Variants in SMAP1 observed in about 807,000 individuals in gnomAD.
SMAP1 encodes stromal membrane-associated protein 1.
A neutral mutation model predicts 58.5 loss-of-function variants in SMAP1; 24 were observed. The ratio of observed to expected loss-of-function variants is 0.41; its 90% CI spans 0.30 to 0.58. The LOEUF (loss-of-function observed/expected upper bound fraction) is 0.58, where lower values mean the gene tolerates loss of function less well. Among genes scored for constraint, SMAP1 ranks in the 20% least tolerant of loss-of-function variants. The probability of loss-of-function intolerance (pLI) is 0.29; values close to 1 mark genes in which losing one functional copy is unlikely to be tolerated. For missense variants in SMAP1, 563 were observed against 566.3 expected (o/e 0.99, Z 0.06); for synonymous variants, 216 against 196.6 (o/e 1.10, Z -0.82).
In SMAP1 at chr6:70,848,673, T is replaced by C. The variant is rs945094412; in HGVS notation, c.665-3867T>C. 9.2e-5 allele frequency among the ~76,000 whole-genome samples: 14 copies of C among 152,204 alleles called. No homozygotes were observed. In the South Asian group the frequency reaches 1.0e-3, roughly 11 times the overall value. On this transcript the variant is annotated intron_variant, in intron 7 of 10. Coordinates refer to ENST00000370455, the MANE Select transcript of SMAP1 (RefSeq NM_001044305.3). ...TTGCATCGGGACAAAAATGATAACA[T>C]GTAAACATTCTTTAAAAACATCCAG...
intron 1 of SMAP1, among the ~76,000 whole-genome samples, chr6:70,704,069 C>T (rs991123300): frequency 6.6e-6 from 1 of 152,188 alleles, no homozygotes; most frequent in African/African-American, 2.4e-5. Context: ...GAAAACAACT[C>T]AATATGGTAT....
rs1010819317 is a variant in SMAP1 at position 70,861,053 on chromosome 6, T to C, written c.*719T>C. 2 of 220,364 alleles carry C rather than the reference T, an allele frequency of 9.1e-6. No homozygotes were observed. Among genetic ancestry groups the C allele is most frequent in the African/African-American group, 2.3e-5 (1 of 44,386 alleles). The allele number at this position is 220,364 out of a possible 1,614,324, so 13.7% of individuals were successfully genotyped here. ...GTAACTAACTAAAACAAAGCCACTT[T>C]CAATCTTCAATCCTTGAAGGTATAT... On this transcript the variant is annotated 3_prime_UTR_variant, in exon 11 of 11. Coordinates refer to ENST00000370455, the MANE Select transcript of SMAP1 (RefSeq NM_001044305.3).
In SMAP1 at chr6:70,860,648, A is replaced by G. The variant is rs913683672; in HGVS notation, c.*314A>G. The G allele has an allele frequency of 4.7e-6, 2 of 422,694 alleles. No individual in the cohort carries two copies. The highest frequency in any genetic ancestry group is 8.3e-6 in the Non-Finnish European group (2 of 239,960). The allele number at this position is 422,694 out of a possible 1,614,324, so 26.2% of individuals were successfully genotyped here. A position where few individuals can be genotyped will look rare whatever the true frequency, so the allele number is the denominator to read the frequency against. ...AAAATTATAGCTCTAATGTTTGCAT[A>G]TAAGGGAAGTAGTTATCATGTTAGT... On this transcript the variant is annotated 3_prime_UTR_variant, in exon 11 of 11. Coordinates refer to ENST00000370455, the MANE Select transcript of SMAP1 (RefSeq NM_001044305.3).
chr6:70,763,416 C>T (rs1766836678), intron 3 of SMAP1, among the ~76,000 whole-genome samples: 1 of 152,058 alleles, frequency 6.6e-6, no homozygotes, highest in Admixed American at 6.5e-5. Flanking sequence ...TAAAAGTTTG[C>T]ATTCTGACTA....
chr6:70,775,312 T>C (rs1541127), intron 4 of SMAP1, among the ~76,000 whole-genome samples: 1 of 151,890 alleles, frequency 6.6e-6, no homozygotes, highest in East Asian at 1.9e-4. Flanking sequence ...AATATAATTT[T>C]AAAAATTATA....
At chr6:70,703,108 C>T (rs1324274653) in intron 1 of SMAP1, among the ~76,000 whole-genome samples, 2 of 150,950 alleles carry the variant, frequency 1.3e-5, no homozygotes, top group African/African-American at 2.4e-5. Flanking sequence ...GACAGAGTCT[C>T]GCTCTGTCAC....
At position 70,860,313 on chromosome 6, in the gene SMAP1, C is replaced by T; in HGVS notation, c.1383C>T (p.Leu461=). ...GWSGSSSGQT[L]STQLWK The stretch of plus-strand genomic sequence containing the variant: ...CTGGAAGCTCATCAGGTCAGACTCT[C>T]AGCACACAACTGTGGAAATGAAAAC... The change falls in exon 11 of 11, where the codon CTC becomes CTT. Residue 461 remains leucine (L), a synonymous_variant. Transcript: ENST00000370455. 4 of 1,610,374 alleles carry T rather than the reference C, an allele frequency of 2.5e-6. No homozygotes were observed. Among genetic ancestry groups the T allele is most frequent in the Non-Finnish European group, 3.4e-6 (4 of 1,179,050 alleles).
intron 8 of SMAP1, among the ~76,000 whole-genome samples, chr6:70,855,888 C>T (rs569455509): frequency 7.2e-5 from 11 of 152,270 alleles, no homozygotes; most frequent in Admixed American, 6.5e-4. Flanking sequence ...GAAAATTAAG[C>T]GGCTTTTTGT....
chr6:70,718,344 A>T (rs567280143), intron 1 of SMAP1, among the ~76,000 whole-genome samples: 71 of 152,328 alleles, frequency 4.7e-4, no homozygotes, highest in African/African-American at 1.6e-3. Flanking sequence ...TAAATGGTTA[A>T]GGATAATGAA....
intron 1 of SMAP1, among the ~76,000 whole-genome samples, chr6:70,706,722 T>C (rs568261049): frequency 6.6e-6 from 1 of 152,340 alleles, no homozygotes; most frequent in African/African-American, 2.4e-5. Flanking sequence ...CAGATGGCGC[T>C]CTCTATTAAT....
chr6:70,761,616 T>C (rs913242065), intron 3 of SMAP1, among the ~76,000 whole-genome samples: 2 of 152,056 alleles, frequency 1.3e-5, no homozygotes, highest in Non-Finnish European at 2.9e-5. Flanking sequence ...TAATTCTGTT[T>C]CCTCTTGCTA....
rs1047170104 is a variant in SMAP1 at position 70,795,980 on chromosome 6, C to T, written c.496-2677C>T. ...CTCGAACTTCGTGATAGGCCTGCCTCGGCCTCCCGAAGTGCTGGGATTACA... is the reference window on the plus strand; with the variant it reads ...CTCGAACTTCGTGATAGGCCTGCCTTGGCCTCCCGAAGTGCTGGGATTACA... On this transcript the variant is annotated intron_variant, in intron 5 of 10. Transcript: ENST00000370455. 5.3e-5 allele frequency among the ~76,000 whole-genome samples: 8 copies of T among 151,978 alleles called. No homozygotes were observed. The South Asian group carries it at 1.5e-3, about 28-fold the overall frequency.
intron 1 of SMAP1, among the ~76,000 whole-genome samples, chr6:70,676,256 C>T (rs1191118830): frequency 6.6e-6 from 1 of 152,138 alleles, no homozygotes; most frequent in Non-Finnish European, 1.5e-5. Flanking sequence ...AATTACTGAA[C>T]ATGAGGGTGG....
intron 2 of SMAP1, among the ~76,000 whole-genome samples, chr6:70,735,381 C>A (rs1765580630): frequency 6.6e-6 from 1 of 152,146 alleles, no homozygotes. Flanking sequence ...GGAGGCTGTT[C>A]CTATTAACTT....
intron 6 of SMAP1, among the ~76,000 whole-genome samples, chr6:70,835,272 A>AG (rs1346613360): frequency 1.3e-5 from 2 of 151,482 alleles, no homozygotes; most frequent in Non-Finnish European, 2.9e-5. Flanking sequence ...AAAAAAAAAA[A>AG]AGAATTGACA....
intron 1 of SMAP1, chr6:70,668,387 C>G: frequency 3.3e-6 from 3 of 907,538 alleles, no homozygotes; most frequent in Non-Finnish European, 4.7e-6. Flanking sequence ...CTCCCAGACA[C>G]GGGTTTGAGC....
chr6:70,716,787 G>C (rs1234808974), intron 1 of SMAP1, among the ~76,000 whole-genome samples: 2 of 152,120 alleles, frequency 1.3e-5, no homozygotes, highest in Non-Finnish European at 2.9e-5. Context: ...GTTGAGCTCA[G>C]TGATCATCTT....
intron 8 of SMAP1, chr6:70,856,552 T>TAACTA (rs1489932398): frequency 9.6e-6 from 2 of 207,454 alleles, no homozygotes; most frequent in African/African-American, 4.6e-5. Flanking sequence ...CTCTCATCTC[T>TAACTA]AACTATTGTT....
intron 3 of SMAP1, among the ~76,000 whole-genome samples, chr6:70,761,590 T>G (rs767073934): frequency 2.0e-5 from 3 of 152,048 alleles, no homozygotes; most frequent in Non-Finnish European, 4.4e-5. Context: ...GCAAGCCATC[T>G]TAGCCCTCAG....
Sources: allele counts gnomAD v4.1 joint callset (sites outside exome capture counted in the v4.1 genomes callset), GRCh38; gene constraint gnomAD v4.1.1; transcripts MANE v1.5; gene names NCBI Gene and HGNC (gene_info 2026-07-23, HGNC 2026-07-21).